The following MGAT4C variants were observed in gnomAD, a reference collection of about 807,000 sequenced individuals.
The protein encoded by MGAT4C is MGAT4 family member C.
A neutral mutation model predicts 40.1 loss-of-function variants in MGAT4C; 19 were observed. The observed-to-expected ratio is 0.47, with a 90% CI of 0.33 to 0.70. MGAT4C has a LOEUF of 0.70. Ranked by LOEUF, MGAT4C falls within the 30% of genes least tolerant of loss-of-function variation. The probability of loss-of-function intolerance (pLI) is 0.02; values close to 1 mark genes in which losing one functional copy is unlikely to be tolerated. For synonymous variants in MGAT4C, 181 were observed against 187.1 expected, an observed-to-expected ratio of 0.97 and a Z score of 0.27; for missense variants, 491 against 563.2, an observed-to-expected ratio of 0.87 and a Z score of 1.30.
At chr12:86,667,129 T>G (rs948579140) in intron 2 of MGAT4C, among the ~76,000 whole-genome samples, 4 of 152,148 alleles carry the variant, frequency 2.6e-5, no homozygotes, top group Admixed American at 6.6e-5. Flanking sequence ...CTATAAAATA[T>G]TCATGGAAGA....
intron 1 of MGAT4C, among the ~76,000 whole-genome samples, chr12:86,804,901 A>T (rs1449767673): frequency 1.3e-5 from 2 of 152,008 alleles, no homozygotes; most frequent in Non-Finnish European, 2.9e-5. Context: ...TGGCGTCCTA[A>T]GTTTTGGATG....
At position 85,967,396 on chromosome 12, in the gene MGAT4C, C is replaced by T. The variant is rs1261141801; in HGVS notation, c.*11893G>A. ...CAAATAATTATAAGAAATCTCTATACATTACGTTTTAAAATACATAAAACC... is the reference window on the plus strand; with the variant it reads ...CAAATAATTATAAGAAATCTCTATATATTACGTTTTAAAATACATAAAACC... On this transcript the variant is annotated 3_prime_UTR_variant, in exon 5 of 5. Coordinates refer to ENST00000611864, the MANE Select transcript of MGAT4C (RefSeq NM_001351288.2). 1 of 152,098 alleles carries T rather than the reference C, an allele frequency of 6.6e-6. No individual in the cohort carries two copies. Among genetic ancestry groups the T allele is most frequent in the Non-Finnish European group, 1.5e-5 (1 of 67,992 alleles). The allele number at this position is 152,098 out of a possible 1,614,324, so 9.4% of individuals were successfully genotyped here.
intron 2 of MGAT4C, among the ~76,000 whole-genome samples, chr12:86,669,365 C>G (rs970493953): frequency 6.6e-6 from 1 of 152,142 alleles, no homozygotes; most frequent in Non-Finnish European, 1.5e-5. Context: ...TCCAGGCATT[C>G]AGAGCACCTG....
intron 2 of MGAT4C, among the ~76,000 whole-genome samples, chr12:86,660,261 T>C (rs978067644): frequency 4.6e-5 from 7 of 152,070 alleles, no homozygotes; most frequent in African/African-American, 1.4e-4. Flanking sequence ...GTGTATGTGA[T>C]TGAAGAAGAA....
chr12:86,129,544 C>CT (rs751908017), intron 1 of MGAT4C, among the ~76,000 whole-genome samples: 1,540 of 15,058 alleles, frequency 0.1, 687 homozygotes, highest in Non-Finnish European at 0.11. Context: ...CTTACACAAT[C>CT]TTTTTTTTTT....
intron 1 of MGAT4C, among the ~76,000 whole-genome samples, chr12:86,754,828 A>G (rs1951274913): frequency 6.6e-6 from 1 of 151,946 alleles, no homozygotes; most frequent in South Asian, 2.1e-4. Context: ...TTTTGTCAAT[A>G]TTTTCCTCTG....
At chr12:86,429,398 ATG>A (rs1956990456) in intron 3 of MGAT4C, among the ~76,000 whole-genome samples, 1 of 152,104 alleles carries the variant, frequency 6.6e-6, no homozygotes, top group Admixed American at 6.5e-5. Flanking sequence ...ATTCTGAATA[ATG>A]TTTGTTTGTG....
chr12:86,559,307 C>A (rs1318381038), intron 2 of MGAT4C, among the ~76,000 whole-genome samples: 1 of 151,870 alleles, frequency 6.6e-6, no homozygotes, highest in Non-Finnish European at 1.5e-5. Flanking sequence ...CTGCATTTTA[C>A]AACAAATGGA....
chr12:86,664,365 A>C (rs1337553137), intron 2 of MGAT4C, among the ~76,000 whole-genome samples: 1 of 152,008 alleles, frequency 6.6e-6, no homozygotes, highest in Non-Finnish European at 1.5e-5. Flanking sequence ...TTGAAAGCTC[A>C]AAAAAATGAC....
At chr12:86,504,469 C>A (rs1252409714) in intron 2 of MGAT4C, among the ~76,000 whole-genome samples, 1 of 152,118 alleles carries the variant, frequency 6.6e-6, no homozygotes, top group Admixed American at 6.6e-5. Flanking sequence ...CAAGCTACTG[C>A]ATGTATACAT....
intron 1 of MGAT4C, among the ~76,000 whole-genome samples, chr12:86,804,964 T>C (rs1220077614): frequency 6.6e-6 from 1 of 152,052 alleles, no homozygotes; most frequent in Non-Finnish European, 1.5e-5. Flanking sequence ...ACTTCACTTT[T>C]GCAGAAGTAA....
intron 2 of MGAT4C, among the ~76,000 whole-genome samples, chr12:86,683,960 G>A (rs931475157): frequency 2.0e-5 from 3 of 152,076 alleles, no homozygotes; most frequent in Non-Finnish European, 4.4e-5. Flanking sequence ...CTCATGCAAC[G>A]ATTCCCCTTT....
At chr12:86,551,513 T>A (rs1298521810) in intron 2 of MGAT4C, among the ~76,000 whole-genome samples, 1 of 152,188 alleles carries the variant, frequency 6.6e-6, no homozygotes, top group East Asian at 1.9e-4. Context: ...GGGCTGCTCC[T>A]GGTTGAAACA....
chr12:86,696,055 C>CA lies in MGAT4C; in HGVS notation c.-229+31153dup, dbSNP rs536170474. Among the ~76,000 whole-genome samples, 11 of 151,352 alleles carry CA rather than the reference C, an allele frequency of 7.3e-5. 1 individual carries two copies. Among genetic ancestry groups the CA allele is most frequent in the Middle Eastern group, 3.4e-3 (1 of 294 alleles). On this transcript the variant is annotated intron_variant, in intron 2 of 7. Transcript: ENST00000548651. ...TGAAACCCCGTTTCTACTAAAAATA[C>CA]AAAAAAATTAGCTGGGCGTGGTGGT...
At chr12:86,006,872 T>G (rs1260397124) in intron 2 of MGAT4C, among the ~76,000 whole-genome samples, 1 of 152,182 alleles carries the variant, frequency 6.6e-6, no homozygotes, top group African/African-American at 2.4e-5. Flanking sequence ...CTTTTCCTTT[T>G]GTATTCAGAG....
chr12:86,467,482 T>A (rs1592883381), intron 2 of MGAT4C, among the ~76,000 whole-genome samples: 1 of 152,174 alleles, frequency 6.6e-6, no homozygotes, highest in South Asian at 2.1e-4. Context: ...TGGGCCTTTG[T>A]AATAGCATCC....
At chr12:86,428,976 A>G (rs1198285276) in intron 3 of MGAT4C, among the ~76,000 whole-genome samples, 1 of 151,144 alleles carries the variant, frequency 6.6e-6, no homozygotes. Context: ...GATATTTATT[A>G]TTTTTTCCCA....
chr12:86,412,049 A>C (rs1956616831), intron 3 of MGAT4C, among the ~76,000 whole-genome samples: 1 of 152,210 alleles, frequency 6.6e-6, no homozygotes, highest in Admixed American at 6.5e-5. Flanking sequence ...GTTAAGGCTT[A>C]GGAGCCTCCA....
At chr12:86,647,917 G>A (rs372525298) in intron 2 of MGAT4C, among the ~76,000 whole-genome samples, 5 of 151,104 alleles carry the variant, frequency 3.3e-5, no homozygotes, top group East Asian at 1.9e-4. Context: ...TTCTTTTAAC[G>A]TTTGTTTGTT....
Sources: gnomAD v4.1 joint callset for allele counts (sites outside exome capture counted in the v4.1 genomes callset) on GRCh38, gnomAD v4.1.1 for gene constraint, MANE v1.5 for transcripts, NCBI Gene and HGNC (gene_info 2026-07-23, HGNC 2026-07-21) for gene names.